The following MELK variants were observed in gnomAD, a reference collection of about 807,000 sequenced individuals.
MELK encodes the protein pEg3 kinase.
A neutral mutation model predicts 85.0 loss-of-function variants in MELK; 81 were observed. The observed-to-expected ratio is 0.95, with a 90% confidence interval of 0.80 to 1.15. The LOEUF is 1.15. Ranked by LOEUF, MELK falls within the 50% of genes most tolerant of loss-of-function variation. The probability of loss-of-function intolerance (pLI) is 0.00; values close to 1 mark genes in which losing one functional copy is unlikely to be tolerated. For synonymous variants in MELK, 252 were observed against 265.0 expected (o/e 0.95, Z 0.48); for missense variants, 754 against 777.5 (o/e 0.97, Z 0.36).
chr9:36,670,976 C>CT, intron 15 of MELK, 22 bp from the exon 16 acceptor site: 1 of 1,591,900 alleles, frequency 6.3e-7, no homozygotes, highest in South Asian at 1.2e-5. Flanking sequence ...CTACTTGTGC[C>CT]TTGTTTTATG....
chr9:36,634,736 A>G (rs113618469), intron 10 of MELK, among the ~76,000 whole-genome samples: 4,794 of 152,140 alleles, frequency 0.032, 255 homozygotes, highest in African/African-American at 0.11. Context: ...GCAGTGGCTC[A>G]CATCTGTAAT....
At chr9:36,597,378 T>A in intron 6 of MELK, 88 bp downstream of exon 6, 1 of 1,226,982 alleles carries the variant, frequency 8.2e-7, no homozygotes, top group South Asian at 1.3e-5. Context: ...CACTTATTCT[T>A]TATTGAGCTT....
At chr9:36,658,854 A>C (rs1358653761) in intron 13 of MELK, among the ~76,000 whole-genome samples, 1 of 148,088 alleles carries the variant, frequency 6.8e-6, no homozygotes, top group Non-Finnish European at 1.5e-5. Flanking sequence ...GGCACCCGCC[A>C]TCATGCCTGG....
At chr9:36,629,709 G>T (rs1380813735) in intron 8 of MELK, among the ~76,000 whole-genome samples, 2 of 152,104 alleles carry the variant, frequency 1.3e-5, no homozygotes, top group Non-Finnish European at 2.9e-5. Flanking sequence ...TAATACTACA[G>T]ATTCCAAAGC....
chr9:36,649,473 C>CGAGATTCTGTCTCAAAAATAAATAAAT (rs1326915145), intron 11 of MELK, among the ~76,000 whole-genome samples: 1 of 151,206 alleles, frequency 6.6e-6, no homozygotes, highest in Non-Finnish European at 1.5e-5. Flanking sequence ...GGCGACAGAG[C>CGAGATTCTGTCTCAAAAATAAATAAAT]AAAGTAGAAC....
At chr9:36,651,355 A>G (rs900681187) in intron 11 of MELK, among the ~76,000 whole-genome samples, 13 of 152,222 alleles carry the variant, frequency 8.5e-5, no homozygotes, top group Non-Finnish European at 2.9e-5. Context: ...ACATTGTGAT[A>G]AAATTATAGT....
intron 10 of MELK, among the ~76,000 whole-genome samples, chr9:36,641,120 G>C (rs949370478): frequency 3.9e-5 from 6 of 152,184 alleles, no homozygotes; most frequent in African/African-American, 1.4e-4. Context: ...TTAAAGTGGA[G>C]GTTGGCGGAA....
At chr9:36,630,896 T>C (rs1175788697) in intron 9 of MELK, among the ~76,000 whole-genome samples, 1 of 152,000 alleles carries the variant, frequency 6.6e-6, no homozygotes, top group Non-Finnish European at 1.5e-5. Flanking sequence ...TCAAGGTATC[T>C]GCCTGCCTCA....
At chr9:36,660,226 TCTAA>T (rs1831654850) in intron 13 of MELK, among the ~76,000 whole-genome samples, 2 of 152,226 alleles carry the variant, frequency 1.3e-5, no homozygotes, top group African/African-American at 4.8e-5. Context: ...CATCTTATTC[TCTAA>T]CTTTTTTTTC....
chr9:36,664,347 C>T (rs1288779878), intron 13 of MELK, among the ~76,000 whole-genome samples: 1 of 151,958 alleles, frequency 6.6e-6, no homozygotes, highest in Non-Finnish European at 1.5e-5. Flanking sequence ...GTTTATTTTT[C>T]TTTGAACTCT....
intron 1 of MELK, among the ~76,000 whole-genome samples, chr9:36,576,601 G>A (rs183237452): frequency 2.0e-5 from 3 of 152,154 alleles, no homozygotes; most frequent in African/African-American, 7.2e-5. Context: ...GCGTGATCGC[G>A]GGTCACTGCA....
intron 8 of MELK, among the ~76,000 whole-genome samples, chr9:36,621,301 A>C (rs868327074): frequency 4.0e-5 from 5 of 125,566 alleles, no homozygotes; most frequent in Non-Finnish European, 7.9e-5. Context: ...AAAAAAAAAA[A>C]AAAAAAAAAA....
chr9:36,647,249 G>A (rs1419781180), intron 11 of MELK, among the ~76,000 whole-genome samples: 2 of 152,194 alleles, frequency 1.3e-5, no homozygotes, highest in Non-Finnish European at 2.9e-5. Flanking sequence ...CCTGGGTTAT[G>A]CCATGCCATC....
intron 4 of MELK, among the ~76,000 whole-genome samples, chr9:36,590,695 ACTT>A (rs1226633195): frequency 6.6e-6 from 1 of 152,142 alleles, no homozygotes; most frequent in Non-Finnish European, 1.5e-5. Context: ...GTATTATTCA[ACTT>A]CTTTAGTTTT....
At chr9:36,573,527 C>G (rs1467818827) in intron 1 of MELK, among the ~76,000 whole-genome samples, 2 of 152,052 alleles carry the variant, frequency 1.3e-5, no homozygotes, top group East Asian at 1.9e-4. Flanking sequence ...TTCTTCAAGA[C>G]GGAGTTTCGC....
At chr9:36,660,915 C>T (rs1252082413) in intron 13 of MELK, among the ~76,000 whole-genome samples, 1 of 152,082 alleles carries the variant, frequency 6.6e-6, no homozygotes, top group African/African-American at 2.4e-5. Context: ...TGCTTGAACC[C>T]GGGAGGTGGA....
chr9:36,633,744 A>G (rs1828862264), intron 10 of MELK, among the ~76,000 whole-genome samples: 1 of 152,206 alleles, frequency 6.6e-6, no homozygotes, highest in African/African-American at 2.4e-5. Flanking sequence ...ACATTGTTTT[A>G]CAACTTTGCA....
At chr9:36,650,270 A>AT (rs398113458) in intron 11 of MELK, among the ~76,000 whole-genome samples, 27 of 151,634 alleles carry the variant, frequency 1.8e-4, no homozygotes, top group Non-Finnish European at 4.0e-4. Flanking sequence ...TAAAAAAAAA[A>AT]TTTAAGATTA....
chr9:36,607,601 G>A lies in MELK; in HGVS notation c.594G>A (p.Leu198=). The change falls in exon 8 of 18, where the codon CTG becomes CTA. Residue 198 remains leucine, a synonymous_variant. Coordinates refer to ENST00000298048, the MANE Select transcript of MELK (RefSeq NM_014791.4). The part of the protein sequence containing the change: ...SEADVWSMGI[L]LYVLMCGFLP... ...CAGATGTTTGGAGCATGGGCATACT[G>A]TTATATGTTCTTATGTGTGGATTTC... is the stretch of plus-strand genomic sequence containing the variant. The A allele has an allele frequency of 6.2e-7, 1 of 1,612,848 alleles. No individual in the cohort carries two copies. The highest frequency in any genetic ancestry group is 8.5e-7 in the Non-Finnish European group (1 of 1,178,962).
Sources: allele counts gnomAD v4.1 joint callset (sites outside exome capture counted in the v4.1 genomes callset), GRCh38; gene constraint gnomAD v4.1.1; transcripts MANE v1.5; gene names NCBI Gene and HGNC (gene_info 2026-07-23, HGNC 2026-07-21).